The following CHODL variants were observed in gnomAD, a reference collection of about 807,000 sequenced individuals.
CHODL encodes the protein chondrolectin, also known as transmembrane protein MT75.
Under a neutral mutation model 34.5 loss-of-function variants are expected in CHODL, and 29 were observed. The ratio of observed to expected loss-of-function variants is 0.84; its 90% CI spans 0.63 to 1.15. The LOEUF (loss-of-function observed/expected upper bound fraction) is 1.15. CHODL is among the 50% of genes most tolerant of loss of function. The pLI, the probability that CHODL is intolerant of heterozygous loss-of-function variation, is 0.00. For missense variants in CHODL, 332 were observed against 332.5 expected, an observed-to-expected ratio of 1.00 and a Z score of 0.01; for synonymous variants, 125 against 116.1, an observed-to-expected ratio of 1.08 and a Z score of -0.49.
At chr21:18,134,533 C>G (rs1177103575) in intron 2 of CHODL, among the ~76,000 whole-genome samples, 2 of 152,304 alleles carry the variant, frequency 1.3e-5, no homozygotes, top group Non-Finnish European at 1.5e-5. Context: ...CACAAGCTCT[C>G]AGAATGTTAG....
intron 1 of CHODL, among the ~76,000 whole-genome samples, chr21:18,010,118 CAAAAAAAAAAAAA>C (rs547675850): frequency 2.6e-4 from 16 of 61,232 alleles, no homozygotes; most frequent in African/African-American, 7.3e-4. Context: ...TACTAAAATA[CAAAAAAAAAAAAA>C]AAAAAAAAAA....
intron 2 of CHODL, among the ~76,000 whole-genome samples, chr21:18,216,109 C>A (rs1000714088): frequency 6.6e-6 from 1 of 151,364 alleles, no homozygotes; most frequent in African/African-American, 2.4e-5. Context: ...TTTCTTATTT[C>A]CTTCCTTTCT....
intron 2 of CHODL, among the ~76,000 whole-genome samples, chr21:18,165,226 A>G (rs767306662): frequency 4.6e-5 from 7 of 152,240 alleles, no homozygotes; most frequent in Non-Finnish European, 8.8e-5. Context: ...CTGTACTCAT[A>G]CAAGCCATCA....
At chr21:18,174,157 A>ATATATATG (rs1555879240) in intron 2 of CHODL, among the ~76,000 whole-genome samples, 989 of 88,118 alleles carry the variant, frequency 0.011, 47 homozygotes, top group East Asian at 0.036. Context: ...ATATATATAT[A>ATATATATG]TATAAAATCA....
chr21:17,945,259 TGGGGATCTATAAAATGACTAAAAAAA>T (rs2146335468), intron 1 of CHODL, among the ~76,000 whole-genome samples: 1 of 143,276 alleles, frequency 7.0e-6, no homozygotes, highest in East Asian at 2.1e-4. Flanking sequence ...CCCAAAGAAA[TGGGGATCTATAAAATGACTAAAAAAA>T]ATTTAGAATA....
At chr21:18,021,352 T>C (rs1222347327) in intron 1 of CHODL, among the ~76,000 whole-genome samples, 1 of 152,174 alleles carries the variant, frequency 6.6e-6, no homozygotes, top group Non-Finnish European at 1.5e-5. Flanking sequence ...AACCCAGACA[T>C]ATGCATCGTA....
At chr21:17,977,805 G>C (rs145108857) in intron 1 of CHODL, among the ~76,000 whole-genome samples, 2,585 of 147,976 alleles carry the variant, frequency 0.017, 77 homozygotes, top group African/African-American at 0.061. Context: ...TGTATTCCCA[G>C]CTACTCAGGA....
intron 1 of CHODL, among the ~76,000 whole-genome samples, chr21:18,247,332 A>G (rs968252648): frequency 9.9e-5 from 15 of 152,136 alleles, no homozygotes; most frequent in Non-Finnish European, 1.9e-4. Context: ...TATGGAATAT[A>G]TTTCTATTTG....
intron 2 of CHODL, among the ~76,000 whole-genome samples, chr21:18,192,913 C>T (rs73893022): frequency 0.086 from 13,147 of 152,144 alleles, 682 homozygotes; most frequent in South Asian, 0.17. Context: ...ATAAAATAAG[C>T]TCTACTACTT....
chr21:17,919,465 C>T lies in CHODL; in HGVS notation c.-145+2065C>T, dbSNP rs148656327. Among the ~76,000 whole-genome samples the T allele has an allele frequency of 7.9e-3, 1,209 of 152,308 alleles. 19 individuals carry two copies. Among genetic ancestry groups the T allele is most frequent in the African/African-American group, 0.027 (1,122 of 41,564 alleles). The stretch of plus-strand genomic sequence containing the variant: ...CCACCCTCTGAAGCAACAGCCCAAG[C>T]TGTTACTTTTAGTCATGGCTGGAGC... On this transcript the variant is annotated intron_variant, in intron 1 of 6. Transcript: ENST00000400127.
chr21:17,952,645 A>T (rs2063467866), intron 1 of CHODL, among the ~76,000 whole-genome samples: 1 of 152,160 alleles, frequency 6.6e-6, no homozygotes, highest in East Asian at 1.9e-4. Flanking sequence ...AGAAGAGATT[A>T]TGTGCATTTG....
intron 1 of CHODL, among the ~76,000 whole-genome samples, chr21:17,961,322 T>A (rs575927153): frequency 6.6e-6 from 1 of 152,320 alleles, no homozygotes; most frequent in East Asian, 1.9e-4. Context: ...AAAAGCAAGT[T>A]TGGCCCGCAG....
intron 2 of CHODL, among the ~76,000 whole-genome samples, chr21:18,055,857 G>T (rs1311232447): frequency 6.6e-6 from 1 of 152,020 alleles, no homozygotes; most frequent in Non-Finnish European, 1.5e-5. Flanking sequence ...AAGATTCTTG[G>T]TCATCGTTAC....
intron 2 of CHODL, among the ~76,000 whole-genome samples, chr21:18,060,756 C>T (rs898008408): frequency 5.4e-5 from 8 of 147,576 alleles, no homozygotes; most frequent in East Asian, 2.0e-4. Context: ...TTGTTGTTAC[C>T]AAGGTTGATT....
chr21:18,028,262 T>C (rs1460461711), intron 2 of CHODL, among the ~76,000 whole-genome samples: 1 of 57,064 alleles, frequency 1.8e-5, no homozygotes, highest in East Asian at 3.5e-4. Context: ...CCTTTTCTTT[T>C]TCTTTTTCCT....
At chr21:18,176,058 GA>G (rs749554729) in intron 2 of CHODL, among the ~76,000 whole-genome samples, 7 of 152,332 alleles carry the variant, frequency 4.6e-5, no homozygotes, top group Non-Finnish European at 7.3e-5. Context: ...AAAAGAGTCT[GA>G]GGATGGAGAA....
chr21:17,918,395 A>G (rs1430410614), intron 1 of CHODL, among the ~76,000 whole-genome samples: 3 of 151,992 alleles, frequency 2.0e-5, no homozygotes, highest in Non-Finnish European at 4.4e-5. Context: ...ACAGTTTCAC[A>G]TGGCGGGGGG....
At position 18,245,245 on chromosome 21, in the gene CHODL, C is replaced by G; in HGVS notation, c.22C>G (p.Leu8Val). ...CGCGATGAGCCGCGTGGTCTCGCTG[C>G]TGCTGGGCGCCGCGCTGCTCTGCGG... Reference protein sequence around the residue: MSRVVSLLLGAALLCGHG... With the variant: MSRVVSLVLGAALLCGHG... The change falls in exon 1 of 6, where the codon CTG becomes GTG. Residue 8 changes from leucine (L) to valine (V), a missense_variant. By Grantham distance (32) the Leu-to-Val change is conservative. Coordinates refer to ENST00000299295, the MANE Select transcript of CHODL (RefSeq NM_024944.3). The G allele has an allele frequency of 6.6e-7, 1 of 1,523,560 alleles. No homozygotes were observed. The highest frequency in any genetic ancestry group is 8.8e-7 in the Non-Finnish European group (1 of 1,142,468). 94.4% of individuals were successfully genotyped at this position (1,523,560 alleles called of 1,614,324 possible). A position where few individuals can be genotyped will look rare whatever the true frequency, so the allele number is the denominator to read the frequency against.
intron 1 of CHODL, among the ~76,000 whole-genome samples, chr21:17,960,652 T>C (rs2063525367): frequency 6.6e-6 from 1 of 152,226 alleles, no homozygotes; most frequent in Admixed American, 6.5e-5. Flanking sequence ...TCCTCAAATT[T>C]GGTGTTTTTC....
Sources: gnomAD v4.1 joint callset for allele counts (sites outside exome capture counted in the v4.1 genomes callset) on GRCh38, gnomAD v4.1.1 for gene constraint, MANE v1.5 for transcripts, NCBI Gene and HGNC (gene_info 2026-07-23, HGNC 2026-07-21) for gene names.